Variants in TUFM observed in about 807,000 individuals in gnomAD.
The protein encoded by TUFM is Tu translation elongation factor, mitochondrial.
In TUFM, 23 loss-of-function variants were observed where a neutral mutation model predicts 45.0. The ratio of observed to expected loss-of-function variants is 0.51; its 90% CI spans 0.37 to 0.72. The LOEUF (loss-of-function observed/expected upper bound fraction) is 0.72. TUFM is among the 30% of genes least tolerant of loss of function. The pLI is 0.00. For missense variants in TUFM, 490 were observed against 610.7 expected (o/e 0.80, Z 2.08); for synonymous variants, 243 against 252.9 (o/e 0.96, Z 0.37).
rs200563863 is a variant in TUFM, at chr16:28,844,976, C to T, written c.494G>A (p.Arg165Gln). Residue 165 changes from arginine to glutamine, a missense_variant, in exon 4 of 10, where the codon CGA (arginine) becomes CAA (glutamine). Transcript: ENST00000313511. The surrounding 1 kb of genome is among the most constrained non-coding windows in gnomAD (Gnocchi z 5.8). Reference protein sequence around the residue: ...AANDGPMPQTREHLLLARQIG... With the variant: ...AANDGPMPQTQEHLLLARQIG... ...CTGTCTGGCCAGTAATAAGTGCTCTCGGGTCTGGGGCATGGGGCCGTCATT... is the reference window on the plus strand; with the variant it reads ...CTGTCTGGCCAGTAATAAGTGCTCTTGGGTCTGGGGCATGGGGCCGTCATT... 2.5e-6 allele frequency: 4 copies of T among 1,614,140 alleles called. No individual in the cohort carries two copies. The highest frequency in any genetic ancestry group is 1.3e-5 in the African/African-American group (1 of 75,032).
Position 28,843,010 on chromosome 16 carries a change from T to C in TUFM, c.1333A>G (p.Met445Val), listed in dbSNP as rs1961840395. The C allele has an allele frequency of 6.2e-7, 1 of 1,614,240 alleles. No individual in the cohort carries two copies. Among genetic ancestry groups the C allele is most frequent in the Non-Finnish European group, 8.5e-7 (1 of 1,180,044 alleles). ...GTGLVTNTLA[M>V]TEEEKNIKWG is the part of the protein sequence containing the mutation. ...TTGATATTCTTCTCCTCCTCAGTCA[T>C]GGCCAGCGTGTTGGTGACTAGACCG... The change falls in exon 10 of 10, where the codon ATG becomes GTG. Residue 445 changes from methionine (M) to valine (V), a missense_variant. Transcript: ENST00000313511.
Position 28,846,091 on chromosome 16 carries a change from C to G in TUFM, c.68G>C (p.Arg23Pro). ...TPHFSGLAAG[R>P]TFLLQGLLRL... is the part of the protein sequence containing the mutation. ...CAACAGACCCTGCAGCAGGAAGGTC[C>G]GGCCGGCGGCGAGACCTGCCGGGAC... Residue 23 changes from arginine (R) to proline (P), a missense_variant, in exon 2 of 10, where the codon CGG becomes CCG. By Grantham distance (103) the Arg-to-Pro change is moderately radical (BLOSUM62 -2). Transcript: ENST00000313511. 6.2e-7 allele frequency: 1 copy of G among 1,613,510 alleles called. No individual in the cohort carries two copies. Among genetic ancestry groups the G allele is most frequent in the Non-Finnish European group, 8.5e-7 (1 of 1,179,878 alleles).
chr16:28,842,848 GGAAATGTC>G lies in TUFM; in HGVS notation c.*119_*126del. On this transcript the variant is annotated 3_prime_UTR_variant, in exon 10 of 10. Coordinates refer to ENST00000313511, the MANE Select transcript of TUFM (RefSeq NM_003321.5). ...AGGCAGGCCAACCCTTCCGAGCAGGGGAAATGTCCATCTAGCTGCCCTCTGCTGGGTTG... is the reference window on the plus strand; with the variant it reads ...AGGCAGGCCAACCCTTCCGAGCAGGGCATCTAGCTGCCCTCTGCTGGGTTG... 1 of 1,273,270 alleles carries G rather than the reference GGAAATGTC, an allele frequency of 7.9e-7. No homozygotes were observed. Among genetic ancestry groups the G allele is most frequent in the South Asian group, 1.2e-5 (1 of 83,434 alleles). The allele number at this position is 1,273,270 out of a possible 1,614,324, so 78.9% of individuals were successfully genotyped here.
chr16:28,846,244 A>G lies in TUFM; in HGVS notation c.26T>C (p.Leu9Pro). 2 of 1,566,860 alleles carry G rather than the reference A, an allele frequency of 1.3e-6. No homozygotes were observed. The highest frequency in any genetic ancestry group is 1.7e-6 in the Non-Finnish European group (2 of 1,156,548). Residue 9 changes from leucine to proline, a missense_variant, in exon 1 of 10, where the codon CTG becomes CCG. Physicochemically the swap from Leu to Pro is moderately conservative, Grantham distance 98. Coordinates refer to ENST00000313511, the MANE Select transcript of TUFM (RefSeq NM_003321.5). MTTMAAAT[L>P]LRATPHFSGL... Reference sequence around the variant, plus strand: ...GCTGAAGTGGGGCGTCGCGCGCAGCAGGGTGGCGGCCGCCATTGTGGTCAT... The same window carrying G: ...GCTGAAGTGGGGCGTCGCGCGCAGCGGGGTGGCGGCCGCCATTGTGGTCAT...
In TUFM at chr16:28,842,602, A is replaced by G. The variant is rs1231624706; in HGVS notation, c.*373T>C. 4 of 323,862 alleles carry G rather than the reference A, an allele frequency of 1.2e-5. No individual in the cohort carries two copies. Among genetic ancestry groups the G allele is most frequent in the African/African-American group, 8.6e-5 (4 of 46,578 alleles). The allele number at this position is 323,862 out of a possible 1,614,324, so 20.1% of individuals were successfully genotyped here. A position where few individuals can be genotyped will look rare whatever the true frequency, so the allele number is the denominator to read the frequency against. On this transcript the variant is annotated 3_prime_UTR_variant, in exon 10 of 10. Transcript: ENST00000313511. ...CCAGAGCGATAGAACATTCTTTCCC[A>G]CTATCTCCCAGGAGGCTGAATAACG...
chr16:28,842,939 T>A lies in TUFM; in HGVS notation c.*36A>T. 3 of 1,613,250 alleles carry A rather than the reference T, an allele frequency of 1.9e-6. No individual in the cohort carries two copies. Among genetic ancestry groups the A allele is most frequent in the Non-Finnish European group, 2.5e-6 (3 of 1,179,912 alleles). ...GAGGGAGCCCTGGCTAGGGCAGGCC[T>A]TAAACGCAAGGGAAGCTGAGCAGAG... On this transcript the variant is annotated 3_prime_UTR_variant, in exon 10 of 10. Transcript: ENST00000313511.
chr16:28,843,625 T>C, intron 9 of TUFM, 111 bp downstream of exon 9: 1 of 1,492,552 alleles, frequency 6.7e-7, no homozygotes, highest in South Asian at 1.3e-5. Context: ...CCTTTCCACC[T>C]AAGGAAATAA....
chr16:28,842,831 C>T lies in TUFM; in HGVS notation c.*144G>A. ...TACTGACCTCCCCAGCCAGGCAGGCCAACCCTTCCGAGCAGGGGAAATGTC... is the reference window on the plus strand; with the variant it reads ...TACTGACCTCCCCAGCCAGGCAGGCTAACCCTTCCGAGCAGGGGAAATGTC... On this transcript the variant is annotated 3_prime_UTR_variant, in exon 10 of 10. Transcript: ENST00000313511. 1 of 1,124,746 alleles carries T rather than the reference C, an allele frequency of 8.9e-7. No homozygotes were observed. The highest frequency in any genetic ancestry group is 1.3e-6 in the Non-Finnish European group (1 of 748,020). 69.7% of individuals were successfully genotyped at this position (1,124,746 alleles called of 1,614,324 possible).
rs1486578991 is a variant in TUFM at position 28,844,250 on chromosome 16, T to A, written c.902A>T (p.Asn301Ile). The change falls in exon 7 of 10, where the codon AAC (asparagine) becomes ATC (isoleucine). Residue 301 changes from asparagine to isoleucine, a missense_variant. Transcript: ENST00000313511. This position sits in a 1 kb window ranked among gnomAD's most constrained non-coding sequence, Gnocchi z 5.8. ...CAAACCTGTCACCACAGTGCGGATGTTCTTGCTATGTCCTAGGAGCTCACA... is the reference window on the plus strand; with the variant it reads ...CAAACCTGTCACCACAGTGCGGATGATCTTGCTATGTCCTAGGAGCTCACA... ...DECELLGHSK[N>I]IRTVVTGIEM... The A allele has an allele frequency of 6.2e-7, 1 of 1,614,046 alleles. No individual in the cohort carries two copies. Among genetic ancestry groups the A allele is most frequent in the African/African-American group, 1.3e-5 (1 of 74,914 alleles).
In TUFM at chr16:28,845,372, C is replaced by A; in HGVS notation, c.356G>T (p.Ser119Ile). 6.2e-7 allele frequency: 1 copy of A among 1,613,878 alleles called. No homozygotes were observed. Among genetic ancestry groups the A allele is most frequent in the Non-Finnish European group, 8.5e-7 (1 of 1,180,018 alleles). Residue 119 changes from serine to isoleucine, a missense_variant, in exon 3 of 10, where the codon AGC becomes ATC. Physicochemically the swap from Ser to Ile is moderately radical, Grantham distance 142. Coordinates refer to ENST00000313511, the MANE Select transcript of TUFM (RefSeq NM_003321.5). ...GTGGGCGTAGTGGCGGGCGGCAGTGCTATACTCCACATGAGCCGCATTGAT... is the reference window on the plus strand; with the variant it reads ...GTGGGCGTAGTGGCGGGCGGCAGTGATATACTCCACATGAGCCGCATTGAT... ...ITINAAHVEY[S>I]TAARHYAHTD...
rs746082645 is a variant in TUFM at position 28,843,741 on chromosome 16, C to T, written c.1189G>A (p.Glu397Lys). ...ATTCCTCCCACCCACCGTACCTTCT[C>T]TGGGGGCAGGATAATCCGACAGGCC... is the stretch of plus-strand genomic sequence containing the variant. The part of the protein sequence containing the change: ...DMACRIILPP[E>K]KELAMPGEDL... The change falls in exon 9 of 10, where the codon GAG (glutamate) becomes AAG (lysine). Residue 397 changes from glutamate to lysine, a missense_variant. By Grantham distance (56) the Glu-to-Lys change is moderately conservative. Transcript: ENST00000313511. 1 of 1,612,920 alleles carries T rather than the reference C, an allele frequency of 6.2e-7. No homozygotes were observed. Among genetic ancestry groups the T allele is most frequent in the Non-Finnish European group, 8.5e-7 (1 of 1,179,936 alleles).
Position 28,842,863 on chromosome 16 carries a change from G to C in TUFM, c.*112C>G. 1 of 1,386,784 alleles carries C rather than the reference G, an allele frequency of 7.2e-7. No homozygotes were observed. Among genetic ancestry groups the C allele is most frequent in the South Asian group, 1.2e-5 (1 of 85,752 alleles). 85.9% of individuals were successfully genotyped at this position (1,386,784 alleles called of 1,614,324 possible). A position where few individuals can be genotyped will look rare whatever the true frequency, so the allele number is the denominator to read the frequency against. The stretch of plus-strand genomic sequence containing the variant: ...TCCGAGCAGGGGAAATGTCCATCTA[G>C]CTGCCCTCTGCTGGGTTGCAGCCTA... On this transcript the variant is annotated 3_prime_UTR_variant, in exon 10 of 10. Coordinates refer to ENST00000313511, the MANE Select transcript of TUFM (RefSeq NM_003321.5).
rs1026477523 is a variant in TUFM at position 28,845,569 on chromosome 16, T to C, written c.248-89A>G. On this transcript the variant is annotated intron_variant, in intron 2 of 9. Transcript: ENST00000313511. ...ACGCCCCTGAACCCTCCCACCTAAA[T>C]ACATAACCTCCTCCAATCTCTAACT... is the stretch of plus-strand genomic sequence containing the variant. 2.7e-6 allele frequency: 4 copies of C among 1,473,392 alleles called. No homozygotes were observed. In the African/African-American group the frequency reaches 5.6e-5, roughly 20 times the overall value. The allele number at this position is 1,473,392 out of a possible 1,614,324, so 91.3% of individuals were successfully genotyped here.
At position 28,842,496 on chromosome 16, in the gene TUFM, ATG is replaced by A. The variant is rs1432983866; in HGVS notation, c.*477_*478del. 2 of 229,664 alleles carry A rather than the reference ATG, an allele frequency of 8.7e-6. No individual in the cohort carries two copies. The highest frequency in any genetic ancestry group is 1.7e-5 in the Non-Finnish European group (2 of 114,354). 14.2% of individuals were successfully genotyped at this position (229,664 alleles called of 1,614,324 possible). A position where few individuals can be genotyped will look rare whatever the true frequency, so the allele number is the denominator to read the frequency against. ...CCTGTCCAGTCCCTGTTCCCACAGA[ATG>A]TGAATGGATGCTAGACATTCACTTA... On this transcript the variant is annotated 3_prime_UTR_variant, in exon 10 of 10. Coordinates refer to ENST00000313511, the MANE Select transcript of TUFM (RefSeq NM_003321.5).
In TUFM at chr16:28,846,041, G is replaced by A; in HGVS notation, c.118C>T (p.Pro40Ser). 5 of 1,613,780 alleles carry A rather than the reference G, an allele frequency of 3.1e-6. No individual in the cohort carries two copies. Among genetic ancestry groups the A allele is most frequent in the Middle Eastern group, 1.6e-4 (1 of 6,062 alleles). The change falls in exon 2 of 10, where the codon CCT becomes TCT. Residue 40 changes from proline (P) to serine (S), a missense_variant. By Grantham distance (74) the Pro-to-Ser change is moderately conservative (BLOSUM62 -1). Transcript: ENST00000313511. ...ACGGCCAGGCCGCGGCACAAGAGAG[G>A]CAATGCCGGGGCTTTCAGCAGCCGC... ...LLRLLKAPAL[P>S]LLCRGLAVEA...
chr16:28,844,343 G>A lies in TUFM; in HGVS notation c.818-9C>T. 1 of 1,614,160 alleles carries A rather than the reference G, an allele frequency of 6.2e-7. No individual in the cohort carries two copies. The highest frequency in any genetic ancestry group is 2.2e-5 in the East Asian group (1 of 44,882). On this transcript the variant is annotated splice_polypyrimidine_tract_variant and intron_variant, in intron 6 of 9. Transcript: ENST00000313511. This position sits in a 1 kb window ranked among gnomAD's most constrained non-coding sequence, Gnocchi z 5.8. Reference sequence around the variant, plus strand: ...CACCACGGTGCCACGGCCTGGGAGGGAATAAGACAGGATATCAGGGACCCC... The same window carrying A: ...CACCACGGTGCCACGGCCTGGGAGGAAATAAGACAGGATATCAGGGACCCC...
intron 3 of TUFM, 104 bp from the exon 4 acceptor site, chr16:28,845,159 C>T: frequency 6.4e-7 from 1 of 1,556,768 alleles, no homozygotes; most frequent in Non-Finnish European, 8.8e-7. Flanking sequence ...CCTTTCTCTA[C>T]CATCTCCTCA....
chr16:28,846,245 G>C lies in TUFM; in HGVS notation c.25C>G (p.Leu9Val), dbSNP rs1399278348. The change falls in exon 1 of 10, where the codon CTG becomes GTG. Residue 9 changes from leucine to valine, a missense_variant. Leu to Val is a conservative substitution (Grantham distance 32). Transcript: ENST00000313511. MTTMAAAT[L>V]LRATPHFSGL... Reference sequence around the variant, plus strand: ...CTGAAGTGGGGCGTCGCGCGCAGCAGGGTGGCGGCCGCCATTGTGGTCATA... The same window carrying C: ...CTGAAGTGGGGCGTCGCGCGCAGCACGGTGGCGGCCGCCATTGTGGTCATA... The C allele has an allele frequency of 1.9e-6, 3 of 1,567,030 alleles. No individual in the cohort carries two copies. The highest frequency in any genetic ancestry group is 2.6e-6 in the Non-Finnish European group (3 of 1,156,610).
Position 28,843,865 on chromosome 16 carries a change from A to G in TUFM, c.1075-10T>C, listed in dbSNP as rs1961861258. On this transcript the variant is annotated splice_polypyrimidine_tract_variant and intron_variant, in intron 8 of 9. Transcript: ENST00000313511. ...TGCTGAGGATGTAAACCTGGAGGAG[A>G]GCAAGCAATGACGGTGAGCTGGGCT... The G allele has an allele frequency of 1.3e-5, 21 of 1,613,916 alleles. No homozygotes were observed. Among genetic ancestry groups the G allele is most frequent in the Non-Finnish European group, 1.7e-5 (20 of 1,179,974 alleles).
Sources: gnomAD v4.1 joint callset for allele counts on GRCh38, gnomAD v4.1.1 for gene constraint, Gnocchi (gnomAD v3.1) non-coding constraint, MANE v1.5 for transcripts, NCBI Gene and HGNC (gene_info 2026-07-23, HGNC 2026-07-21) for gene names.